The following PAH variants were observed in gnomAD, a reference collection of about 807,000 sequenced individuals.
The protein encoded by PAH is phenylalanine hydroxylase.
PAH carries 64 observed loss-of-function variants against 62.0 expected under a neutral mutation model. That is an observed-to-expected ratio of 1.03 (90% CI 0.84 to 1.27). PAH has a LOEUF of 1.27. Among genes scored for constraint, PAH ranks in the 50% most tolerant of loss-of-function variants. PAH has a pLI of 0.00. For missense variants in PAH, 579 were observed against 542.8 expected (o/e 1.07, Z -0.66); for synonymous variants, 195 against 196.2 (o/e 0.99, Z 0.05).
chr12:102,928,040 G>C (rs903940211), intron 1 of PAH, among the ~76,000 whole-genome samples: 1 of 152,166 alleles, frequency 6.6e-6, no homozygotes, highest in Non-Finnish European at 1.5e-5. Context: ...TGGAAAGAGA[G>C]AGAAACAAAA....
intron 4 of PAH, among the ~76,000 whole-genome samples, chr12:102,875,662 C>T (rs1876531531): frequency 6.6e-6 from 1 of 152,104 alleles, no homozygotes; most frequent in South Asian, 2.1e-4. Context: ...GTCAAAAGTC[C>T]CCACATTTAC....
intron 1 of PAH, among the ~76,000 whole-genome samples, chr12:102,930,756 A>G (rs1287240240): frequency 1.3e-5 from 2 of 152,220 alleles, no homozygotes; most frequent in African/African-American, 4.8e-5. Context: ...TGTCAGGAAT[A>G]TACTTGATAA....
exon 1 of PAH, chr12:102,958,340 T>C (rs1879997035): frequency 6.9e-7 from 1 of 1,458,210 alleles, no homozygotes; most frequent in Non-Finnish European, 9.0e-7. Context: ...CCTGTTTCTT[T>C]GCCACGGCCG....
At chr12:102,924,802 A>G (rs997655901) in intron 1 of PAH, among the ~76,000 whole-genome samples, 4 of 152,122 alleles carry the variant, frequency 2.6e-5, no homozygotes, top group Non-Finnish European at 5.9e-5. Context: ...TGCATTACCC[A>G]TGGACTTGGG....
chr12:102,880,126 G>T (rs764054138), intron 3 of PAH, among the ~76,000 whole-genome samples: 1 of 152,158 alleles, frequency 6.6e-6, no homozygotes, highest in African/African-American at 2.4e-5. Flanking sequence ...TGAAACTTTG[G>T]AGTCTCGGAT....
chr12:102,947,090 T>C (rs1457115797), intron 1 of PAH, among the ~76,000 whole-genome samples: 1 of 152,134 alleles, frequency 6.6e-6, no homozygotes, highest in East Asian at 1.9e-4. Flanking sequence ...GATATAGTAA[T>C]AGGGAGGAAG....
chr12:102,958,379 G>T (rs752513789), upstream of PAH: 12 of 1,485,256 alleles, frequency 8.1e-6, no homozygotes, highest in Non-Finnish European at 8.9e-6. Flanking sequence ...CCGCCGCAGC[G>T]GCAGCGCAGA....
intron 1 of PAH, chr12:102,946,828 C>G (rs1025247706): frequency 6.6e-6 from 1 of 152,134 alleles, no homozygotes; most frequent in Non-Finnish European, 1.5e-5. Flanking sequence ...TAGGTGAAGG[C>G]TTCTATTCAG....
intron 1 of PAH, among the ~76,000 whole-genome samples, chr12:102,943,950 C>T (rs1879391480): frequency 6.6e-6 from 1 of 152,064 alleles, no homozygotes; most frequent in African/African-American, 2.4e-5. Context: ...ACATGGGTGA[C>T]AAAATAATCG....
At chr12:102,871,611 G>A (rs1219256428) in intron 4 of PAH, among the ~76,000 whole-genome samples, 5 of 152,076 alleles carry the variant, frequency 3.3e-5, no homozygotes, top group African/African-American at 1.2e-4. Flanking sequence ...ATATCCCCAA[G>A]TAGAAGCTGT....
chr12:102,951,408 C>A (rs1879757284), upstream of PAH, among the ~76,000 whole-genome samples: 3 of 152,202 alleles, frequency 2.0e-5, no homozygotes, highest in Non-Finnish European at 4.4e-5. Flanking sequence ...ACATTCATCC[C>A]CAGGGTAGTA....
rs1874884949 is a variant in PAH, at chr12:102,847,067, A to G, written c.913-116T>C. ...GCCAGATGCCTTCAGAACAGCCCAC[A>G]TAGACCCTGAGTGTGTTATCAAGTC... On this transcript the variant is annotated intron_variant, in intron 8 of 12. Coordinates refer to ENST00000553106, the MANE Select transcript of PAH (RefSeq NM_000277.3). 8 of 786,162 alleles carry G rather than the reference A, an allele frequency of 1.0e-5. No individual in the cohort carries two copies. In the South Asian group the frequency reaches 1.1e-4, roughly 11 times the overall value. The allele number at this position is 786,162 out of a possible 1,614,324, so 48.7% of individuals were successfully genotyped here. A position where few individuals can be genotyped will look rare whatever the true frequency, so the allele number is the denominator to read the frequency against.
chr12:102,901,412 C>T (rs1877756316), intron 2 of PAH, among the ~76,000 whole-genome samples: 1 of 152,152 alleles, frequency 6.6e-6, no homozygotes, highest in Non-Finnish European at 1.5e-5. Context: ...AAGCACCCAA[C>T]AATTTTTGTC....
At chr12:102,890,271 C>G (rs1321940703) in intron 3 of PAH, among the ~76,000 whole-genome samples, 1 of 152,108 alleles carries the variant, frequency 6.6e-6, no homozygotes, top group East Asian at 1.9e-4. Flanking sequence ...GATCTGAGCC[C>G]CACAATAAAA....
intron 5 of PAH, among the ~76,000 whole-genome samples, chr12:102,865,565 T>C (rs757122572): frequency 2.6e-5 from 4 of 152,174 alleles, no homozygotes; most frequent in Non-Finnish European, 4.4e-5. Flanking sequence ...CTTTTGCCTG[T>C]ACCTGCTTTG....
intron 4 of PAH, among the ~76,000 whole-genome samples, chr12:102,871,151 AG>A (rs1876299971): frequency 6.6e-6 from 1 of 152,160 alleles, no homozygotes. Context: ...ATAAAGTGCA[AG>A]TCTGGTGAGG....
chr12:102,848,711 G>A (rs931181012), intron 8 of PAH, among the ~76,000 whole-genome samples: 12 of 99,470 alleles, frequency 1.2e-4, no homozygotes, highest in Admixed American at 6.0e-4. Context: ...CTGGAGAGGC[G>A]GAGAGTAGAC....
intron 5 of PAH, among the ~76,000 whole-genome samples, chr12:102,857,389 A>G (rs941626027): frequency 1.8e-4 from 27 of 152,238 alleles, no homozygotes; most frequent in African/African-American, 6.5e-4. Flanking sequence ...ACCAAGTTGG[A>G]AAACACTCTG....
chr12:102,857,921 G>A (rs187517367), intron 5 of PAH, among the ~76,000 whole-genome samples: 3 of 152,140 alleles, frequency 2.0e-5, no homozygotes, highest in Admixed American at 6.5e-5. Context: ...ATCAACTAAC[G>A]AGCAAAATAA....
Sources: gnomAD v4.1 joint callset for allele counts (sites outside exome capture counted in the v4.1 genomes callset) on GRCh38, gnomAD v4.1.1 for gene constraint, MANE v1.5 for transcripts, NCBI Gene and HGNC (gene_info 2026-07-23, HGNC 2026-07-21) for gene names.